PDE4D: variants seen among roughly 807,000 people sequenced by gnomAD.
PDE4D encodes the protein phosphodiesterase 4D.
A neutral mutation model predicts 87.4 loss-of-function variants in PDE4D; 24 were observed. The ratio of observed to expected loss-of-function variants is 0.27; its 90% confidence interval spans 0.20 to 0.39. PDE4D has a LOEUF of 0.39. PDE4D is among the 10% of genes least tolerant of loss of function. The pLI, the probability that PDE4D is intolerant of heterozygous loss-of-function variation, is 1.00. For missense variants in PDE4D, 714 were observed against 1,041.0 expected, an observed-to-expected ratio of 0.69 and a Z score of 4.32; for synonymous variants, 384 against 383.2, an observed-to-expected ratio of 1.00 and a Z score of -0.02.
intron 6 of PDE4D, among the ~76,000 whole-genome samples, chr5:58,997,396 C>T (rs1283046674): frequency 6.6e-6 from 1 of 151,950 alleles, no homozygotes; most frequent in Non-Finnish European, 1.5e-5. Context: ...ATAATATTTA[C>T]TAAGATAACT....
chr5:59,626,117 A>C (rs1830877991), intron 1 of PDE4D, among the ~76,000 whole-genome samples: 1 of 152,192 alleles, frequency 6.6e-6, no homozygotes. Flanking sequence ...AAATAAAAAA[A>C]ACCAATGCCT....
chr5:60,353,548 A>G (rs1211737836), intron 1 of PDE4D, among the ~76,000 whole-genome samples: 2 of 152,190 alleles, frequency 1.3e-5, no homozygotes, highest in African/African-American at 2.4e-5. Context: ...CTCTGAACTC[A>G]TGTCAACTAA....
At chr5:60,025,056 T>G (rs1766478368) in intron 2 of PDE4D, among the ~76,000 whole-genome samples, 1 of 152,168 alleles carries the variant, frequency 6.6e-6, no homozygotes, top group African/African-American at 2.4e-5. Context: ...GATGTATTTT[T>G]GAGGTGTATT....
chr5:60,045,385 T>C (rs1292290908), intron 2 of PDE4D, among the ~76,000 whole-genome samples: 9 of 152,352 alleles, frequency 5.9e-5, no homozygotes, highest in African/African-American at 2.2e-4. Context: ...TATTTGTCAA[T>C]TTTGGCTTTG....
At chr5:60,062,487 C>T (rs1438092857) in intron 2 of PDE4D, among the ~76,000 whole-genome samples, 1 of 152,100 alleles carries the variant, frequency 6.6e-6, no homozygotes, top group Non-Finnish European at 1.5e-5. Context: ...TTAGTTCAAC[C>T]ATTGTGGAAG....
chr5:59,706,192 TG>T (rs1437375539), intron 1 of PDE4D, among the ~76,000 whole-genome samples: 3 of 152,160 alleles, frequency 2.0e-5, no homozygotes, highest in African/African-American at 7.2e-5. Flanking sequence ...TATTTGGTTA[TG>T]GAGGATGTTC....
chr5:59,119,671 T>A (rs900246159), intron 5 of PDE4D, among the ~76,000 whole-genome samples: 1 of 152,224 alleles, frequency 6.6e-6, no homozygotes, highest in African/African-American at 2.4e-5. Context: ...TGAGTCCTGC[T>A]GTGCATCTTG....
At chr5:60,087,020 A>G (rs1348047250) in intron 2 of PDE4D, among the ~76,000 whole-genome samples, 1 of 152,208 alleles carries the variant, frequency 6.6e-6, no homozygotes, top group Non-Finnish European at 1.5e-5. Flanking sequence ...AAAAGTTGGG[A>G]CTGAGTTCTG....
chr5:59,668,875 A>G lies in PDE4D; in HGVS notation c.455+224293T>C, dbSNP rs1323377128. ...AAGAAGAAGAAGAAGAAGAAGAAGA[A>G]GAAGAAGAAGAAGAAGAAGAAGAAG... is the stretch of plus-strand genomic sequence containing the variant. On this transcript the variant is annotated intron_variant, in intron 1 of 14. Coordinates refer to ENST00000340635, the MANE Select transcript of PDE4D (RefSeq NM_001104631.2). Among the ~76,000 whole-genome samples, 127 of 76,890 alleles carry G rather than the reference A, an allele frequency of 1.7e-3. 2 individuals carry two copies. Among genetic ancestry groups the G allele is most frequent in the African/African-American group, 4.8e-3 (80 of 16,658 alleles). The allele number at this position is 76,890 out of a possible 152,430, so 50.4% of individuals were successfully genotyped here. A position where few individuals can be genotyped will look rare whatever the true frequency, so the allele number is the denominator to read the frequency against.
intron 1 of PDE4D, among the ~76,000 whole-genome samples, chr5:59,424,061 G>T (rs1327156528): frequency 6.6e-6 from 1 of 152,106 alleles, no homozygotes; most frequent in East Asian, 1.9e-4. Flanking sequence ...CTGGATAGTG[G>T]TAGAGTGGTT....
chr5:59,833,424 G>GA (rs1741545081), intron 1 of PDE4D, among the ~76,000 whole-genome samples: 1 of 151,982 alleles, frequency 6.6e-6, no homozygotes, highest in Admixed American at 6.6e-5. Flanking sequence ...GAGTGGATTT[G>GA]AAAGAGTCAA....
At chr5:59,161,082 G>C (rs996289408) in intron 5 of PDE4D, among the ~76,000 whole-genome samples, 1 of 152,154 alleles carries the variant, frequency 6.6e-6, no homozygotes, top group Non-Finnish European at 1.5e-5. Flanking sequence ...GCAACAGAGA[G>C]AGACTCCGTC....
chr5:60,323,588 T>TA (rs1172262045), intron 1 of PDE4D, among the ~76,000 whole-genome samples: 1 of 152,100 alleles, frequency 6.6e-6, no homozygotes, highest in African/African-American at 2.4e-5. Context: ...CACCAATACT[T>TA]ATGTGCCAAG....
intron 1 of PDE4D, among the ~76,000 whole-genome samples, chr5:60,199,999 G>A (rs1011620749): frequency 6.6e-6 from 1 of 151,628 alleles, no homozygotes; most frequent in Non-Finnish European, 1.5e-5. Flanking sequence ...GGAGGCAGGA[G>A]AGACAGACAC....
Position 59,806,129 on chromosome 5 carries a change from G to T in PDE4D, c.455+87039C>A, listed in dbSNP as rs1029661114. ...ATAAACCACTGGGCTCCCCAGCCAT[G>T]CTAACAGGCAGGTCAGAGCTGAGAA... On this transcript the variant is annotated intron_variant, in intron 1 of 14. Coordinates refer to ENST00000340635, the MANE Select transcript of PDE4D (RefSeq NM_001104631.2). 2.5e-4 allele frequency among the ~76,000 whole-genome samples: 38 copies of T among 152,186 alleles called. 1 individual carries two copies. The highest frequency in any genetic ancestry group is 1.5e-5 in the Non-Finnish European group (1 of 68,030).
At chr5:59,461,952 T>C (rs1364716549) in intron 1 of PDE4D, among the ~76,000 whole-genome samples, 1 of 152,138 alleles carries the variant, frequency 6.6e-6, no homozygotes, top group African/African-American at 2.4e-5. Flanking sequence ...ATGAACAAAA[T>C]TACTAGCATT....
chr5:59,722,538 A>G (rs1580680456), intron 1 of PDE4D, among the ~76,000 whole-genome samples: 1 of 152,046 alleles, frequency 6.6e-6, no homozygotes, highest in East Asian at 1.9e-4. Context: ...CCATGTTCCT[A>G]TGATAGTTAT....
At chr5:59,260,037 T>C (rs1349507100) in intron 1 of PDE4D, among the ~76,000 whole-genome samples, 3 of 151,780 alleles carry the variant, frequency 2.0e-5, no homozygotes, top group Non-Finnish European at 2.9e-5. Context: ...CACAAGGGAC[T>C]CCCCTTTCTA....
At chr5:60,428,054 T>A (rs1191074557) in intron 1 of PDE4D, among the ~76,000 whole-genome samples, 1 of 152,160 alleles carries the variant, frequency 6.6e-6, no homozygotes, top group East Asian at 1.9e-4. Context: ...CCAGCCTGGG[T>A]GAGAGCAAGA....
Sources: gnomAD v4.1 joint callset for allele counts (sites outside exome capture counted in the v4.1 genomes callset) on GRCh38, gnomAD v4.1.1 for gene constraint, MANE v1.5 for transcripts, NCBI Gene and HGNC (gene_info 2026-07-23, HGNC 2026-07-21) for gene names.